Variants in SRGAP3 observed in about 807,000 individuals in gnomAD.
SRGAP3 encodes the protein SLIT-ROBO Rho GTPase-activating protein 3.
A neutral mutation model predicts 121.1 loss-of-function variants in SRGAP3; 39 were observed. The ratio of observed to expected loss-of-function variants is 0.32; its 90% CI spans 0.25 to 0.42. SRGAP3 has a LOEUF of 0.42. SRGAP3 is among the 10% of genes least tolerant of loss of function. The pLI, the probability that SRGAP3 is intolerant of heterozygous loss-of-function variation, is 1.00. For missense variants in SRGAP3, 1,213 were observed against 1,470.6 expected, an observed-to-expected ratio of 0.82 and a Z score of 2.86; for synonymous variants, 601 against 570.0, an observed-to-expected ratio of 1.05 and a Z score of -0.77.
At chr3:9,252,104 C>T (rs921923682), upstream of SRGAP3, among the ~76,000 whole-genome samples, 20 of 152,020 alleles carry the variant, frequency 1.3e-4, no homozygotes, top group Admixed American at 1.3e-3. Flanking sequence ...TGGTGTCCAC[C>T]CCACGGTAAT....
At chr3:9,353,714 C>G (rs1353401576) in intron 1 of SRGAP3, among the ~76,000 whole-genome samples, 3 of 152,320 alleles carry the variant, frequency 2.0e-5, no homozygotes, top group East Asian at 1.9e-4. Context: ...GTTAAAGGTT[C>G]ATGGACTCCT....
At chr3:9,241,563 T>A (rs1953638925) in intron 1 of SRGAP3, among the ~76,000 whole-genome samples, 1 of 152,158 alleles carries the variant, frequency 6.6e-6, no homozygotes, top group Non-Finnish European at 1.5e-5. Context: ...GAGCAAACCA[T>A]TAAGAATATT....
intron 3 of SRGAP3, among the ~76,000 whole-genome samples, chr3:9,290,836 T>C (rs1954857809): frequency 6.6e-6 from 1 of 152,144 alleles, no homozygotes; most frequent in South Asian, 2.1e-4. Context: ...ACTAGCAAGA[T>C]GGGAAATCAT....
At chr3:9,167,236 C>T (rs1950819973) in intron 1 of SRGAP3, among the ~76,000 whole-genome samples, 2 of 152,182 alleles carry the variant, frequency 1.3e-5, no homozygotes, top group South Asian at 4.1e-4. Flanking sequence ...CCTGCCCTCA[C>T]TATAGCCTTG....
chr3:9,355,545 C>G (rs897995664), intron 1 of SRGAP3, among the ~76,000 whole-genome samples: 9 of 152,198 alleles, frequency 5.9e-5, no homozygotes, highest in African/African-American at 2.2e-4. Flanking sequence ...ATGCTCCCCT[C>G]CTGGCTATCT....
chr3:9,217,028 G>C (rs1307285069), intron 1 of SRGAP3: 1 of 152,126 alleles, frequency 6.6e-6, no homozygotes, highest in African/African-American at 2.4e-5. Flanking sequence ...GGGAGTTCCT[G>C]TTCACTGGGT....
At chr3:9,077,826 A>G (rs942986762) in intron 4 of SRGAP3, among the ~76,000 whole-genome samples, 1 of 152,254 alleles carries the variant, frequency 6.6e-6, no homozygotes, top group Non-Finnish European at 1.5e-5. Flanking sequence ...GGCCTTGTCC[A>G]GTCTACAAAC....
chr3:9,248,735 G>A, intron 1 of SRGAP3, 150 bp downstream of exon 1: 1 of 817,134 alleles, frequency 1.2e-6, no homozygotes. Context: ...GACTTGTGCG[G>A]CTGCCACTGT....
At chr3:9,335,232 G>C (rs2648552) in intron 1 of SRGAP3, among the ~76,000 whole-genome samples, 152,173 of 152,380 alleles carry the variant, frequency 1, 75,983 homozygotes, top group Middle Eastern at 1. Flanking sequence ...AGGGCCGCTA[G>C]TACTTGTTGC....
intron 3 of SRGAP3, among the ~76,000 whole-genome samples, chr3:9,296,242 T>C (rs963244525): frequency 3.9e-5 from 6 of 152,246 alleles, no homozygotes; most frequent in African/African-American, 1.4e-4. Context: ...GGCTGTACCA[T>C]TTTACATCCC....
Position 9,202,148 on chromosome 3 carries a change from C to A in SRGAP3, c.67+46737G>T, listed in dbSNP as rs1351486400. ...GATTATGCATGGATGGGGTTTGCTGCCTTTGATGCTTTTGAAGATGACCAG... is the reference window on the plus strand; with the variant it reads ...GATTATGCATGGATGGGGTTTGCTGACTTTGATGCTTTTGAAGATGACCAG... On this transcript the variant is annotated intron_variant, in intron 1 of 21. Transcript: ENST00000383836. Among the ~76,000 whole-genome samples, 3 of 152,156 alleles carry A rather than the reference C, an allele frequency of 2.0e-5. No homozygotes were observed. In the East Asian group the frequency reaches 5.8e-4, roughly 29 times the overall value.
At chr3:9,348,547 T>A (rs1297657507) in intron 1 of SRGAP3, 2 of 770,630 alleles carry the variant, frequency 2.6e-6, no homozygotes, top group Non-Finnish European at 4.7e-6. Flanking sequence ...CAGCGGGCCA[T>A]AAGGAGGCGA....
At position 9,013,552 on chromosome 3, in the gene SRGAP3, A is replaced by C. The variant is rs1486969948; in HGVS notation, c.1920-17T>G. On this transcript the variant is annotated splice_polypyrimidine_tract_variant and intron_variant, in intron 16 of 21. Coordinates refer to ENST00000383836, the MANE Select transcript of SRGAP3 (RefSeq NM_014850.4). ...TGGGAGAGGCTAGGAGAGAGGAGTTACCCACAAGTCATCTGGGAAAGGCAA... is the reference window on the plus strand; with the variant it reads ...TGGGAGAGGCTAGGAGAGAGGAGTTCCCCACAAGTCATCTGGGAAAGGCAA... The C allele has an allele frequency of 1.2e-6, 2 of 1,613,060 alleles. No homozygotes were observed. Among genetic ancestry groups the C allele is most frequent in the Non-Finnish European group, 1.7e-6 (2 of 1,179,256 alleles).
At chr3:9,258,517 A>G (rs1409571413) in intron 3 of SRGAP3, among the ~76,000 whole-genome samples, 1 of 152,214 alleles carries the variant, frequency 6.6e-6, no homozygotes, top group East Asian at 1.9e-4. Context: ...AGGTGACTCT[A>G]GTGGCAGTGT....
intron 1 of SRGAP3, among the ~76,000 whole-genome samples, chr3:9,167,660 C>T (rs1950837872): frequency 6.6e-6 from 1 of 152,146 alleles, no homozygotes; most frequent in East Asian, 1.9e-4. Flanking sequence ...AAGAAACATC[C>T]CCAGATGTCC....
At chr3:9,029,670 T>G (rs932197479) in intron 12 of SRGAP3, among the ~76,000 whole-genome samples, 3 of 152,220 alleles carry the variant, frequency 2.0e-5, no homozygotes, top group African/African-American at 7.2e-5. Flanking sequence ...TAAATTCCAT[T>G]CTCAATAGTT....
At position 9,056,303 on chromosome 3, in the gene SRGAP3, T is replaced by C; in HGVS notation, c.1055A>G (p.Gln352Arg). 1 of 1,613,820 alleles carries C rather than the reference T, an allele frequency of 6.2e-7. No homozygotes were observed. The highest frequency in any genetic ancestry group is 8.5e-7 in the Non-Finnish European group (1 of 1,179,976). ...VCQVSAQQPV[Q>R]TELLMRYHQL... ...GTGATAACGCATGAGCAGTTCTGTC[T>C]GGACGGGCTGCTGAGCGCTGACCTG... is the stretch of plus-strand genomic sequence containing the variant. Residue 352 changes from glutamine to arginine, a missense_variant, in exon 8 of 22, where the codon CAG becomes CGG. By Grantham distance (43) the Gln-to-Arg change is conservative. Transcript: ENST00000383836.
chr3:9,230,589 G>C (rs963813924), intron 1 of SRGAP3, among the ~76,000 whole-genome samples: 4 of 152,168 alleles, frequency 2.6e-5, no homozygotes, highest in African/African-American at 9.7e-5. Context: ...GCATGGATTT[G>C]GGCAGGCACA....
At chr3:9,142,249 T>A (rs1181407766) in intron 1 of SRGAP3, among the ~76,000 whole-genome samples, 1 of 152,228 alleles carries the variant, frequency 6.6e-6, no homozygotes, top group Non-Finnish European at 1.5e-5. Context: ...TGGGCATGAT[T>A]TTTTTCCTTG....
Sources: allele counts gnomAD v4.1 joint callset (sites outside exome capture counted in the v4.1 genomes callset), GRCh38; gene constraint gnomAD v4.1.1; transcripts MANE v1.5; gene names NCBI Gene and HGNC (gene_info 2026-07-23, HGNC 2026-07-21).